COL6A6: variants seen among roughly 807,000 people sequenced by gnomAD.
The protein encoded by COL6A6 is collagen type VI alpha 6 chain.
A neutral mutation model predicts 208.6 loss-of-function variants in COL6A6; 183 were observed. The observed-to-expected ratio is 0.88, with a 90% CI of 0.78 to 0.99. COL6A6 has a LOEUF of 0.99. Among genes scored for constraint, COL6A6 ranks in the 50% least tolerant of loss-of-function variants. The pLI is 0.00. For synonymous variants in COL6A6, 973 were observed against 1,011.8 expected (o/e 0.96, Z 0.73); for missense variants, 2,816 against 2,815.2 (o/e 1.00, Z -0.01).
intron 10 of COL6A6, among the ~76,000 whole-genome samples, chr3:130,583,983 C>G (rs1274840406): frequency 1.3e-5 from 2 of 152,068 alleles, no homozygotes; most frequent in Non-Finnish European, 2.9e-5. Flanking sequence ...AAAAACAATC[C>G]TTGATGGCGG....
intron 23 of COL6A6, among the ~76,000 whole-genome samples, chr3:130,619,396 A>G (rs755324613): frequency 7.2e-5 from 11 of 152,210 alleles, no homozygotes; most frequent in Non-Finnish European, 1.3e-4. Flanking sequence ...GACGTAAGAC[A>G]AACATTTGAT....
intron 1 of COL6A6, among the ~76,000 whole-genome samples, chr3:130,532,617 G>A (rs1224051896): frequency 6.6e-6 from 1 of 152,222 alleles, no homozygotes; most frequent in Non-Finnish European, 1.5e-5. Flanking sequence ...CCTATGACTT[G>A]TGGACACCTC....
intron 33 of COL6A6, among the ~76,000 whole-genome samples, chr3:130,656,300 G>C (rs762445935): frequency 6.6e-6 from 1 of 152,222 alleles, no homozygotes; most frequent in Non-Finnish European, 1.5e-5. Context: ...CAGACAAGTG[G>C]AGGGTGAACA....
At chr3:130,608,763 C>CCTTTTTTTTTTTTTTTTTT in intron 21 of COL6A6, 139 bp from the exon 22 acceptor site, 1 of 308,646 alleles carries the variant, frequency 3.2e-6, no homozygotes, top group South Asian at 3.6e-5. Context: ...TATTTTTCAC[C>CCTTTTTTTTTTTTTTTTTT]TTTTTTTTTT....
At chr3:130,637,766 A>G (rs1387524040) in intron 28 of COL6A6, among the ~76,000 whole-genome samples, 2 of 152,038 alleles carry the variant, frequency 1.3e-5, no homozygotes, top group East Asian at 1.9e-4. Context: ...AAATTTTGCT[A>G]TGATTTTTAA....
chr3:130,536,162 G>A (rs2107727705), intron 1 of COL6A6, among the ~76,000 whole-genome samples: 1 of 152,210 alleles, frequency 6.6e-6, no homozygotes, highest in South Asian at 2.1e-4. Flanking sequence ...AGTGATTTCT[G>A]CTCATGCATC....
chr3:130,580,507 A>G (rs530955697), intron 8 of COL6A6, among the ~76,000 whole-genome samples: 5 of 152,232 alleles, frequency 3.3e-5, no homozygotes, highest in African/African-American at 7.2e-5. Context: ...CAAATGTCCA[A>G]CTGACCAGTG....
chr3:130,578,737 A>G (rs2063351069), intron 8 of COL6A6, among the ~76,000 whole-genome samples: 1 of 152,184 alleles, frequency 6.6e-6, no homozygotes, highest in African/African-American at 2.4e-5. Flanking sequence ...AATCAGAAAC[A>G]GGTCCCACAG....
chr3:130,585,590 C>T (rs1309711335), intron 10 of COL6A6, among the ~76,000 whole-genome samples: 1 of 152,160 alleles, frequency 6.6e-6, no homozygotes. Flanking sequence ...AAGTCATTGG[C>T]AACCCTATGT....
At chr3:130,526,000 T>C (rs1019004469) in intron 1 of COL6A6, among the ~76,000 whole-genome samples, 6 of 152,306 alleles carry the variant, frequency 3.9e-5, no homozygotes, top group African/African-American at 1.4e-4. Flanking sequence ...TTAAGCATTT[T>C]TTTTTAATGT....
chr3:130,634,217 ATAAAT>A (rs1460366714), intron 26 of COL6A6, among the ~76,000 whole-genome samples: 1 of 55,746 alleles, frequency 1.8e-5, no homozygotes, highest in Non-Finnish European at 2.6e-5. Context: ...AAAAAAATAA[ATAAAT>A]AAATAAATAA....
intron 35 of COL6A6, among the ~76,000 whole-genome samples, chr3:130,664,506 C>T (rs1185157503): frequency 1.3e-5 from 2 of 152,162 alleles, no homozygotes; most frequent in African/African-American, 4.8e-5. Flanking sequence ...TAAAAAGAGG[C>T]ATGCTTCATT....
At chr3:130,542,104 T>C (rs573456715) in intron 1 of COL6A6, among the ~76,000 whole-genome samples, 12 of 151,862 alleles carry the variant, frequency 7.9e-5, no homozygotes, top group African/African-American at 2.7e-4. Context: ...TTTTTCTTTT[T>C]CAGGGAACCA....
chr3:130,618,467 T>A (rs2064604311), intron 23 of COL6A6, among the ~76,000 whole-genome samples: 1 of 152,224 alleles, frequency 6.6e-6, no homozygotes, highest in African/African-American at 2.4e-5. Context: ...GCCCTTCCCC[T>A]TTAAATGCCC....
chr3:130,665,763 A>G (rs984521081), intron 36 of COL6A6, among the ~76,000 whole-genome samples: 1 of 152,244 alleles, frequency 6.6e-6, no homozygotes, highest in Admixed American at 6.5e-5. Flanking sequence ...TTTGTGGTTC[A>G]CAATGTAATA....
At chr3:130,667,938 T>A (rs574467828) in intron 36 of COL6A6, among the ~76,000 whole-genome samples, 3 of 150,730 alleles carry the variant, frequency 2.0e-5, no homozygotes, top group Non-Finnish European at 4.4e-5. Flanking sequence ...AAGAAAAATA[T>A]AAATTAGCTA....
chr3:130,551,128 T>C (rs2062632088), intron 1 of COL6A6, among the ~76,000 whole-genome samples: 1 of 78,202 alleles, frequency 1.3e-5, no homozygotes, highest in African/African-American at 2.8e-5. Context: ...GCTTTTTTTT[T>C]TTCTGTGTGT....
At chr3:130,530,796 A>C (rs914672583) in intron 1 of COL6A6, among the ~76,000 whole-genome samples, 2 of 152,260 alleles carry the variant, frequency 1.3e-5, no homozygotes, top group South Asian at 4.2e-4. Context: ...TCAGTAATGC[A>C]TGTGGGCCTC....
In COL6A6 at chr3:130,635,691, G is replaced by A; in HGVS notation, c.5029-8G>A. On this transcript the variant is annotated splice_region_variant and splice_polypyrimidine_tract_variant and intron_variant, in intron 27 of 36. Coordinates refer to ENST00000358511, the MANE Select transcript of COL6A6 (RefSeq NM_001102608.3). Reference sequence around the variant, plus strand: ...TAATAACTATTTTACTTTAATAAATGTATTTAGGGTGAGATTGGGGACCCT... The same window carrying A: ...TAATAACTATTTTACTTTAATAAATATATTTAGGGTGAGATTGGGGACCCT... 6.3e-7 allele frequency: 1 copy of A among 1,589,316 alleles called. No individual in the cohort carries two copies. The highest frequency in any genetic ancestry group is 8.6e-7 in the Non-Finnish European group (1 of 1,159,398).
Sources: allele counts gnomAD v4.1 joint callset (sites outside exome capture counted in the v4.1 genomes callset), GRCh38; gene constraint gnomAD v4.1.1; transcripts MANE v1.5; gene names NCBI Gene and HGNC (gene_info 2026-07-23, HGNC 2026-07-21).